BANP: variants seen among roughly 807,000 people sequenced by gnomAD.
BANP encodes BTG3 associated nuclear protein.
Under a neutral mutation model 68.1 loss-of-function variants are expected in BANP, and 11 were observed. The ratio of observed to expected loss-of-function variants is 0.16; its 90% CI spans 0.10 to 0.27. The LOEUF (loss-of-function observed/expected upper bound fraction) is 0.27. Among genes scored for constraint, BANP ranks in the 10% least tolerant of loss-of-function variants. The pLI, the probability that BANP is intolerant of heterozygous loss-of-function variation, is 1.00. For synonymous variants in BANP, 329 were observed against 303.2 expected (o/e 1.09, Z -0.88); for missense variants, 504 against 722.7 (o/e 0.70, Z 3.47).
chr16:88,006,036 G>C lies in BANP; in HGVS notation c.480-54G>C, dbSNP rs555222790. 117 of 1,611,308 alleles carry C rather than the reference G, an allele frequency of 7.3e-5. No homozygotes were observed. The African/African-American group carries it at 1.4e-3, about 19-fold the overall frequency. On this transcript the variant is annotated intron_variant, in intron 5 of 13. Coordinates refer to ENST00000682872, the MANE Select transcript of BANP (RefSeq NM_001386991.1). Reference sequence around the variant, plus strand: ...CGATAAGGAAAGCGCTGACCTTCGCGTGCTGCTTGCGGCTCTTACCACATC... The same window carrying C: ...CGATAAGGAAAGCGCTGACCTTCGCCTGCTGCTTGCGGCTCTTACCACATC...
chr16:88,020,893 G>T (rs72818516), intron 7 of BANP, among the ~76,000 whole-genome samples: 11,623 of 152,308 alleles, frequency 0.076, 704 homozygotes, highest in African/African-American at 0.17. Flanking sequence ...ACAGGGGCAT[G>T]GCAGGGCGAT....
At chr16:88,006,569 C>T (rs1168510952) in intron 6 of BANP, among the ~76,000 whole-genome samples, 2 of 150,504 alleles carry the variant, frequency 1.3e-5, no homozygotes, top group African/African-American at 4.9e-5. Flanking sequence ...TCGCTTGAGC[C>T]TGGGAGGTGG....
At chr16:87,994,324 C>T (rs1237635947) in intron 4 of BANP, among the ~76,000 whole-genome samples, 2 of 152,248 alleles carry the variant, frequency 1.3e-5, no homozygotes, top group Non-Finnish European at 2.9e-5. Flanking sequence ...TGCTCGCATT[C>T]TGATTTGGGA....
At chr16:88,024,522 G>C (rs1438048504) in intron 7 of BANP, among the ~76,000 whole-genome samples, 1 of 152,272 alleles carries the variant, frequency 6.6e-6, no homozygotes. Context: ...CGGCTGCTCA[G>C]TGCTGTCAGA....
Position 88,006,091 on chromosome 16 carries a change from G to A in BANP, c.481G>A (p.Ala161Thr), listed in dbSNP as rs745483519. ...PDSLENVISN[A>T]VPGRRQNTIV... ...TGGTGTGTTTTTTTTCCCGTTTAGCGCTGTGCCTGGGCGTCGGCAGAACAC... is the reference window on the plus strand; with the variant it reads ...TGGTGTGTTTTTTTTCCCGTTTAGCACTGTGCCTGGGCGTCGGCAGAACAC... Residue 161 changes from alanine to threonine, a missense_variant and splice_region_variant, in exon 6 of 14, where the codon GCT becomes ACT. Physicochemically the swap from Ala to Thr is moderately conservative, Grantham distance 58. Around this residue, in one of 3 missense-constraint regions of BANP, gnomAD observed 238 missense variants for 278.9 expected, o/e 0.85. Coordinates refer to ENST00000682872, the MANE Select transcript of BANP (RefSeq NM_001386991.1). 6.8e-6 allele frequency: 11 copies of A among 1,613,752 alleles called. 1 individual carries two copies. The highest frequency in any genetic ancestry group is 6.7e-5 in the East Asian group (3 of 44,860).
chr16:87,983,697 T>G, intron 3 of BANP, among the ~76,000 whole-genome samples: 1 of 152,068 alleles, frequency 6.6e-6, no homozygotes, highest in Non-Finnish European at 1.5e-5. Flanking sequence ...CGATGTTAGG[T>G]GTAATCTGTT....
intron 6 of BANP, among the ~76,000 whole-genome samples, chr16:88,015,869 T>A (rs2074425239): frequency 6.6e-6 from 1 of 152,234 alleles, no homozygotes; most frequent in African/African-American, 2.4e-5. Flanking sequence ...GGAGCCCACA[T>A]TGAGCAGCAT....
chr16:88,064,772 C>G lies in BANP; in HGVS notation c.1312-495C>G, dbSNP rs1487240118. ...CGGTTGGGGGTGCTGCCGCTCTTGC[C>G]CGCAGGGCACTCCTCTGGCTGGGAT... On this transcript the variant is annotated intron_variant, in intron 11 of 13. Transcript: ENST00000682872. This position sits in a 1 kb window ranked among gnomAD's most constrained non-coding sequence, Gnocchi z 4.5. Among the ~76,000 whole-genome samples the G allele has an allele frequency of 6.6e-6, 1 of 152,194 alleles. No individual in the cohort carries two copies. The highest frequency in any genetic ancestry group is 1.5e-5 in the Non-Finnish European group (1 of 68,036).
chr16:88,006,436 C>T (rs1007101953), intron 6 of BANP, among the ~76,000 whole-genome samples, 171 bp downstream of exon 6: 5 of 147,900 alleles, frequency 3.4e-5, no homozygotes, highest in South Asian at 2.1e-4. Context: ...CACCTGAAGT[C>T]GGGAGTTCGA....
intron 7 of BANP, among the ~76,000 whole-genome samples, chr16:88,023,097 G>T (rs940656408): frequency 7.9e-5 from 12 of 152,180 alleles, no homozygotes; most frequent in Non-Finnish European, 1.6e-4. Context: ...GCAGAATGTG[G>T]ACTCCATGCA....
chr16:87,977,550 A>G (rs368726664), intron 2 of BANP, among the ~76,000 whole-genome samples: 1 of 152,220 alleles, frequency 6.6e-6, no homozygotes, highest in Non-Finnish European at 1.5e-5. Flanking sequence ...TTGCATTCAT[A>G]GTGGGTTTAA....
At chr16:87,969,409 G>A (rs549316838) in intron 1 of BANP, among the ~76,000 whole-genome samples, 98 of 152,220 alleles carry the variant, frequency 6.4e-4, no homozygotes, top group African/African-American at 2.1e-3. Flanking sequence ...CAGCAAAAGC[G>A]CAACAGCCAT....
At chr16:88,011,967 G>A (rs1277919209) in intron 6 of BANP, among the ~76,000 whole-genome samples, 2 of 152,252 alleles carry the variant, frequency 1.3e-5, no homozygotes, top group Non-Finnish European at 2.9e-5. Flanking sequence ...GAGTTGGCGT[G>A]TTTGGGACAA....
chr16:88,026,500 T>A (rs866030978), intron 7 of BANP, among the ~76,000 whole-genome samples: 13 of 152,320 alleles, frequency 8.5e-5, no homozygotes, highest in Middle Eastern at 6.8e-3. Flanking sequence ...AAGGCCCCTG[T>A]GTTTATGAGG....
intron 4 of BANP, among the ~76,000 whole-genome samples, chr16:87,988,266 G>A (rs2064973451): frequency 6.6e-6 from 1 of 152,022 alleles, no homozygotes; most frequent in Admixed American, 6.6e-5. Context: ...TATTTATTTT[G>A]GGACTCAGAT....
At chr16:87,988,307 A>G (rs966945837) in intron 4 of BANP, among the ~76,000 whole-genome samples, 4 of 152,164 alleles carry the variant, frequency 2.6e-5, no homozygotes, top group Admixed American at 6.5e-5. Context: ...TCTGTTGCCC[A>G]GGCTAGAGTG....
intron 7 of BANP, among the ~76,000 whole-genome samples, chr16:88,022,167 G>A (rs959838507): frequency 2.6e-5 from 4 of 152,214 alleles, no homozygotes; most frequent in Non-Finnish European, 5.9e-5. Context: ...GTGCTCTCAG[G>A]ACAGCAGCAT....
At chr16:87,992,666 C>T (rs190845698) in intron 4 of BANP, among the ~76,000 whole-genome samples, 189 of 151,876 alleles carry the variant, frequency 1.2e-3, no homozygotes, top group African/African-American at 4.1e-3. Context: ...TGGTAGCGGG[C>T]GCCTGTAGTC....
intron 7 of BANP, among the ~76,000 whole-genome samples, chr16:88,022,222 T>C (rs1388811541): frequency 6.6e-6 from 1 of 152,206 alleles, no homozygotes; most frequent in Non-Finnish European, 1.5e-5. Flanking sequence ...GTTCTTAGGA[T>C]TTCTATCCAC....
Sources: gnomAD v4.1 joint callset for allele counts (sites outside exome capture counted in the v4.1 genomes callset) on GRCh38, gnomAD v4.1.1 for gene constraint, gnomAD v4.1.1 regional missense constraint, Gnocchi (gnomAD v3.1) non-coding constraint, MANE v1.5 for transcripts, NCBI Gene and HGNC (gene_info 2026-07-23, HGNC 2026-07-21) for gene names.